Variants in AHRR observed in about 807,000 individuals in gnomAD.
AHRR encodes ahR repressor.
Under a neutral mutation model 44.0 loss-of-function variants are expected in AHRR, and 28 were observed. The observed-to-expected ratio is 0.64, with a 90% CI of 0.47 to 0.87. AHRR has a LOEUF of 0.87. Ranked by LOEUF, AHRR falls within the 40% of genes least tolerant of loss-of-function variation. The pLI, the probability that AHRR is intolerant of heterozygous loss-of-function variation, is 0.00. For synonymous variants in AHRR, 434 were observed against 407.0 expected (o/e 1.07, Z -0.80); for missense variants, 990 against 953.9 (o/e 1.04, Z -0.50).
In AHRR at chr5:338,684, A is replaced by T. The variant is rs1161249017; in HGVS notation, c.-10-5209A>T. ...TGATGAAACCCCATCTCTACAAAAA[A>T]TACAAAAATAAATATTATTCTACTT... On this transcript the variant is annotated intron_variant, in intron 1 of 10. Coordinates refer to ENST00000684583, the MANE Select transcript of AHRR (RefSeq NM_001377236.1). The surrounding 1 kb of genome is among the most constrained non-coding windows in gnomAD (Gnocchi z 4.1). Among the ~76,000 whole-genome samples the T allele has an allele frequency of 2.6e-5, 4 of 152,222 alleles. No individual in the cohort carries two copies. Among genetic ancestry groups the T allele is most frequent in the Admixed American group, 6.5e-5 (1 of 15,276 alleles).
intron 4 of AHRR, among the ~76,000 whole-genome samples, chr5:390,352 A>C (rs1734359172): frequency 6.6e-6 from 1 of 152,154 alleles, no homozygotes; most frequent in African/African-American, 2.4e-5. Flanking sequence ...AAAATAAAAA[A>C]ATTTCTTAAA....
intron 3 of AHRR, among the ~76,000 whole-genome samples, chr5:375,969 G>A (rs1006683143): frequency 3.8e-5 from 5 of 131,174 alleles, no homozygotes; most frequent in Non-Finnish European, 6.2e-5. Context: ...CACTGGGAAG[G>A]GGGTAGCACT....
In AHRR at chr5:395,505, G is replaced by T. The variant is rs1334406894; in HGVS notation, c.352-17839G>T. Among the ~76,000 whole-genome samples the T allele has an allele frequency of 6.6e-6, 1 of 152,208 alleles. No individual in the cohort carries two copies. Among genetic ancestry groups the T allele is most frequent in the East Asian group, 1.9e-4 (1 of 5,194 alleles). On this transcript the variant is annotated intron_variant, in intron 4 of 10. Transcript: ENST00000684583. This position sits in a 1 kb window ranked among gnomAD's most constrained non-coding sequence, Gnocchi z 5.3. ...GGCAGCTTCCCAGAGGCCACTGCAG[G>T]CCAGGTCATCAGAAGCGCCTGCTCC...
intron 3 of AHRR, chr5:367,660 C>T (rs551025076): frequency 5.4e-5 from 32 of 595,586 alleles, no homozygotes; most frequent in African/African-American, 5.0e-4. Context: ...TGTCTTCACC[C>T]CTCAGGAGGC....
intron 5 of AHRR, among the ~76,000 whole-genome samples, chr5:415,078 G>C (rs1735663315): frequency 1.3e-5 from 2 of 152,258 alleles, no homozygotes; most frequent in East Asian, 3.8e-4. Flanking sequence ...AAGACGTTCA[G>C]GCCAGGGCTG....
intron 2 of AHRR, among the ~76,000 whole-genome samples, chr5:344,962 G>T (rs1742558394): frequency 1.6e-5 from 1 of 64,198 alleles, no homozygotes; most frequent in African/African-American, 6.8e-5. Context: ...TGTGTGTGAG[G>T]TTGGGGGCTG....
At chr5:365,115 G>A (rs1167746684) in intron 3 of AHRR, among the ~76,000 whole-genome samples, 2 of 151,302 alleles carry the variant, frequency 1.3e-5, no homozygotes, top group Admixed American at 6.6e-5. Flanking sequence ...AAAGGTTATA[G>A]AACATTTGAA....
chr5:324,026 TCTC>T, intron 1 of AHRR, among the ~76,000 whole-genome samples: 5 of 141,232 alleles, frequency 3.5e-5, no homozygotes, highest in African/African-American at 1.5e-4. Context: ...TTTCTTTCTC[TCTC>T]TCTCTCTGTC....
Position 355,607 on chromosome 5 carries a change from G to A in AHRR, c.244+1696G>A, listed in dbSNP as rs80003388. Among the ~76,000 whole-genome samples the A allele has an allele frequency of 9.2e-3, 1,401 of 152,310 alleles. 12 individuals are homozygous for A. Among genetic ancestry groups the A allele is most frequent in the Middle Eastern group, 0.02 (6 of 294 alleles). On this transcript the variant is annotated intron_variant, in intron 3 of 10. Transcript: ENST00000684583. ...GTGTCCAGCCAGGCCAGGGCTTGACGGCCTCAGAAAGTCTTCGATTCTGGT... is the reference window on the plus strand; with the variant it reads ...GTGTCCAGCCAGGCCAGGGCTTGACAGCCTCAGAAAGTCTTCGATTCTGGT...
intron 5 of AHRR, chr5:421,146 C>T (rs1332418012): frequency 3.5e-6 from 2 of 567,964 alleles, no homozygotes; most frequent in South Asian, 2.0e-5. Flanking sequence ...GAAGAGGAGC[C>T]GCCCCGCCTG....
chr5:420,925 C>T, intron 5 of AHRR: 1 of 217,586 alleles, frequency 4.6e-6, no homozygotes, highest in Non-Finnish European at 8.4e-6. Context: ...CAGGCACGCA[C>T]ACGCAGCCAC....
intron 3 of AHRR, among the ~76,000 whole-genome samples, chr5:354,932 G>A (rs940865145): frequency 6.6e-6 from 1 of 152,194 alleles, no homozygotes; most frequent in Non-Finnish European, 1.5e-5. Context: ...CCAGCATCAC[G>A]CGCCGTGTCC....
chr5:355,649 G>C (rs973850830), intron 3 of AHRR, among the ~76,000 whole-genome samples: 16 of 152,238 alleles, frequency 1.1e-4, no homozygotes, highest in African/African-American at 2.9e-4. Flanking sequence ...AGCAAGTTTG[G>C]ACACCTGGCT....
chr5:376,557 A>AGTGAACGCGGGGAAACACAGGAAAGAT (rs1733702499), intron 3 of AHRR, 53 bp from the exon 4 acceptor site: 2 of 1,429,206 alleles, frequency 1.4e-6, no homozygotes, highest in African/African-American at 1.4e-5. Context: ...AATGAAGAAG[A>AGTGAACGCGGGGAAACACAGGAAAGAT]GTGGCCAGGC....
chr5:377,355 G>A (rs1733767938), intron 4 of AHRR, among the ~76,000 whole-genome samples: 1 of 152,188 alleles, frequency 6.6e-6, no homozygotes, highest in African/African-American at 2.4e-5. Context: ...TGAAGATGAA[G>A]GGGGTTGCTG....
chr5:428,934 G>A (rs778337380), intron 8 of AHRR, among the ~76,000 whole-genome samples: 6 of 152,234 alleles, frequency 3.9e-5, no homozygotes, highest in Non-Finnish European at 7.3e-5. Flanking sequence ...TGGCGGTCAC[G>A]CGAGCAGTGG....
At chr5:407,410 T>C (rs1451525092) in intron 4 of AHRR, among the ~76,000 whole-genome samples, 1 of 152,226 alleles carries the variant, frequency 6.6e-6, no homozygotes, top group Non-Finnish European at 1.5e-5. Context: ...GTACTTTAGC[T>C]TCTTTGATGT....
Position 436,253 on chromosome 5 carries a change from G to A in AHRR, c.*1419G>A, listed in dbSNP as rs1248810764. On this transcript the variant is annotated 3_prime_UTR_variant, in exon 11 of 11. Coordinates refer to ENST00000684583, the MANE Select transcript of AHRR (RefSeq NM_001377236.1). ...ACGCCCTCTCTGTTGTTGGCCCGCG[G>A]GTGAGGGACCCACCACCCCTAGGGA... 6.6e-6 allele frequency: 1 copy of A among 152,596 alleles called. No individual in the cohort carries two copies. The highest frequency in any genetic ancestry group is 2.4e-5 in the African/African-American group (1 of 41,136). The allele number at this position is 152,596 out of a possible 1,614,324, so 9.5% of individuals were successfully genotyped here.
intron 3 of AHRR, among the ~76,000 whole-genome samples, chr5:372,340 C>T (rs1178270146): frequency 6.6e-6 from 1 of 152,192 alleles, no homozygotes; most frequent in Non-Finnish European, 1.5e-5. Flanking sequence ...TGACTGTCAC[C>T]TGCCCCAAAT....
Sources: gnomAD v4.1 joint callset for allele counts (sites outside exome capture counted in the v4.1 genomes callset) on GRCh38, gnomAD v4.1.1 for gene constraint, Gnocchi (gnomAD v3.1) non-coding constraint, MANE v1.5 for transcripts, NCBI Gene and HGNC (gene_info 2026-07-23, HGNC 2026-07-21) for gene names.